ASCC3: variants seen among roughly 807,000 people sequenced by gnomAD.
The protein encoded by ASCC3 is activating signal cointegrator 1 complex subunit 3.
In ASCC3, 158 loss-of-function variants were observed where a neutral mutation model predicts 256.3. The ratio of observed to expected loss-of-function variants is 0.62; its 90% CI spans 0.54 to 0.70. The LOEUF is 0.70. Among genes scored for constraint, ASCC3 ranks in the 30% least tolerant of loss-of-function variants. The pLI, the probability that ASCC3 is intolerant of heterozygous loss-of-function variation, is 0.00. For synonymous variants in ASCC3, 948 were observed against 883.4 expected (o/e 1.07, Z -1.30); for missense variants, 2,259 against 2,626.0 (o/e 0.86, Z 3.05).
intron 38 of ASCC3, among the ~76,000 whole-genome samples, chr6:100,517,412 A>G (rs1334513386): frequency 6.6e-6 from 1 of 152,124 alleles, no homozygotes; most frequent in Admixed American, 6.6e-5. Flanking sequence ...AACATTTCCA[A>G]TTAAACATTG....
intron 36 of ASCC3, among the ~76,000 whole-genome samples, chr6:100,540,918 G>A (rs1036917106): frequency 2.0e-5 from 3 of 152,054 alleles, no homozygotes; most frequent in Non-Finnish European, 2.9e-5. Context: ...AGGGTAAAGA[G>A]CAGAATTATT....
chr6:100,519,000 T>A (rs1774171334), intron 37 of ASCC3, among the ~76,000 whole-genome samples: 1 of 152,168 alleles, frequency 6.6e-6, no homozygotes, highest in African/African-American at 2.4e-5. Flanking sequence ...ACTTTAATAG[T>A]AAATATCTCA....
chr6:100,865,931 G>A (rs1028554208), intron 2 of ASCC3, among the ~76,000 whole-genome samples: 7 of 150,652 alleles, frequency 4.6e-5, no homozygotes, highest in Admixed American at 4.0e-4. Flanking sequence ...GCAAGTTTCA[G>A]CAACCTAGAG....
chr6:100,786,478 T>C (rs1220119348), intron 8 of ASCC3, among the ~76,000 whole-genome samples: 1 of 152,170 alleles, frequency 6.6e-6, no homozygotes, highest in Non-Finnish European at 1.5e-5. Flanking sequence ...ATAATTACCC[T>C]TGATTCAACA....
chr6:100,529,426 C>G (rs752556179), intron 37 of ASCC3, among the ~76,000 whole-genome samples: 2 of 152,128 alleles, frequency 1.3e-5, no homozygotes, highest in Non-Finnish European at 2.9e-5. Flanking sequence ...ACCCTACCAA[C>G]TGGACACTGT....
chr6:100,819,195 TAGG>T (rs1582911116), intron 4 of ASCC3, among the ~76,000 whole-genome samples: 1 of 151,896 alleles, frequency 6.6e-6, no homozygotes, highest in African/African-American at 2.4e-5. Context: ...GGGACAGCAT[TAGG>T]AGAAGTACCT....
chr6:100,606,746 TG>T lies in ASCC3; in HGVS notation c.5037del (p.Ile1680LeufsTer7). ...DGKTRRYVDF[P>X]ITDVLQMMGR... ...GTGAATTTAAGAAAATTACCTGTAA[TG>T]GGAAAATCCACATAACGTCTTGTTT... On this transcript the variant is annotated frameshift_variant, in exon 32 of 42. Transcript: ENST00000369162. The T allele has an allele frequency of 6.3e-7, 1 of 1,598,280 alleles. No homozygotes were observed. Among genetic ancestry groups the T allele is most frequent in the Non-Finnish European group, 8.5e-7 (1 of 1,175,504 alleles).
chr6:100,517,063 C>CTTT (rs1374509196), intron 38 of ASCC3, among the ~76,000 whole-genome samples: 2 of 151,988 alleles, frequency 1.3e-5, no homozygotes, highest in African/African-American at 4.8e-5. Flanking sequence ...CTCCCCATGC[C>CTTT]ATCTGCTGCT....
chr6:100,739,745 T>C (rs1010633013), intron 10 of ASCC3, among the ~76,000 whole-genome samples: 7 of 152,222 alleles, frequency 4.6e-5, no homozygotes, highest in African/African-American at 1.7e-4. Context: ...TAGTATTCTG[T>C]GGTGGCTGGT....
At chr6:100,807,688 C>T (rs534420379) in intron 4 of ASCC3, among the ~76,000 whole-genome samples, 2 of 151,774 alleles carry the variant, frequency 1.3e-5, no homozygotes, top group Non-Finnish European at 2.9e-5. Context: ...AACAACAACA[C>T]AAAGCCAACT....
Position 100,725,524 on chromosome 6 carries a change from A to AT in ASCC3, c.1902+14dup. On this transcript the variant is annotated intron_variant, in intron 11 of 41. Coordinates refer to ENST00000369162, the MANE Select transcript of ASCC3 (RefSeq NM_006828.4). ...TTATCCCTTCAAAATAAGCTTATAC[A>AT]TAACTTCCTCTTACCTGCCGTAAAG... 6.2e-7 allele frequency: 1 copy of AT among 1,611,346 alleles called. No individual in the cohort carries two copies. Among genetic ancestry groups the AT allele is most frequent in the African/African-American group, 1.3e-5 (1 of 74,942 alleles).
At chr6:100,581,944 T>A (rs1228347558) in intron 36 of ASCC3, among the ~76,000 whole-genome samples, 1 of 152,052 alleles carries the variant, frequency 6.6e-6, no homozygotes, top group South Asian at 2.1e-4. Flanking sequence ...TTGATCTATA[T>A]CTCTGTTTTG....
intron 36 of ASCC3, among the ~76,000 whole-genome samples, chr6:100,580,967 A>C (rs991693190): frequency 2.4e-4 from 36 of 152,112 alleles, no homozygotes; most frequent in Middle Eastern, 3.4e-3. Context: ...ACATTTTCTT[A>C]ATCCAGTCTA....
chr6:100,536,226 G>C (rs969317243), intron 37 of ASCC3, among the ~76,000 whole-genome samples: 2 of 152,122 alleles, frequency 1.3e-5, no homozygotes, highest in Non-Finnish European at 2.9e-5. Context: ...ATTAACAATA[G>C]TGTTATACCT....
intron 1 of ASCC3, among the ~76,000 whole-genome samples, 192 bp downstream of exon 1, chr6:100,880,869 G>A (rs989641355): frequency 1.3e-5 from 2 of 152,222 alleles, no homozygotes; most frequent in Non-Finnish European, 1.5e-5. Context: ...CTCTAGGAAT[G>A]GGCGGTATTG....
At chr6:100,766,491 T>G in intron 10 of ASCC3, 74 bp downstream of exon 10, 1 of 1,399,866 alleles carries the variant, frequency 7.1e-7, no homozygotes, top group Non-Finnish European at 1.0e-6. Flanking sequence ...ATTTAAGATA[T>G]AGTCATTTAA....
At chr6:100,880,006 C>G (rs1357089993) in intron 1 of ASCC3, among the ~76,000 whole-genome samples, 2 of 152,184 alleles carry the variant, frequency 1.3e-5, no homozygotes, top group African/African-American at 4.8e-5. Context: ...CTGTCTCTCT[C>G]TTGCTCTCCT....
At chr6:100,585,638 T>C (rs1485874501) in intron 36 of ASCC3, among the ~76,000 whole-genome samples, 4 of 151,824 alleles carry the variant, frequency 2.6e-5, no homozygotes, top group Admixed American at 2.6e-4. Flanking sequence ...TGTGTTCCTT[T>C]GGAGGAGGAG....
At chr6:100,527,754 T>A (rs1403965173) in intron 37 of ASCC3, among the ~76,000 whole-genome samples, 1 of 152,076 alleles carries the variant, frequency 6.6e-6, no homozygotes, top group Non-Finnish European at 1.5e-5. Flanking sequence ...CATCGTTATA[T>A]CTTCTTTTTC....
Sources: allele counts gnomAD v4.1 joint callset (sites outside exome capture counted in the v4.1 genomes callset), GRCh38; gene constraint gnomAD v4.1.1; transcripts MANE v1.5; gene names NCBI Gene and HGNC (gene_info 2026-07-23, HGNC 2026-07-21).